Variants in CFAP20DC observed in about 807,000 individuals in gnomAD.
CFAP20DC encodes CFAP20 domain containing, also known as protein CFAP20DC.
A neutral mutation model predicts 101.7 loss-of-function variants in CFAP20DC; 84 were observed. That is an observed-to-expected ratio of 0.83 (90% CI 0.69 to 0.99). The LOEUF (loss-of-function observed/expected upper bound fraction) is 0.99. Among genes scored for constraint, CFAP20DC ranks in the 50% least tolerant of loss-of-function variants. The pLI, the probability that CFAP20DC is intolerant of heterozygous loss-of-function variation, is 0.00. For missense variants in CFAP20DC, 1,007 were observed against 970.3 expected (o/e 1.04, Z -0.50); for synonymous variants, 359 against 351.2 (o/e 1.02, Z -0.25).
chr3:58,951,213 T>C (rs1247439503), intron 4 of CFAP20DC, among the ~76,000 whole-genome samples: 1 of 152,188 alleles, frequency 6.6e-6, no homozygotes, highest in African/African-American at 2.4e-5. Context: ...TGAGATACCA[T>C]CTCACACCAG....
Position 58,913,728 on chromosome 3 carries a change from T to G in CFAP20DC, c.530A>C (p.Gln177Pro). 4 of 1,613,706 alleles carry G rather than the reference T, an allele frequency of 2.5e-6. No homozygotes were observed. The highest frequency in any genetic ancestry group is 3.4e-6 in the Non-Finnish European group (4 of 1,179,776). The change falls in exon 6 of 17, where the codon CAA (glutamine) becomes CCA (proline). Residue 177 changes from glutamine to proline, a missense_variant. Physicochemically the swap from Gln to Pro is moderately conservative, Grantham distance 76. Coordinates refer to ENST00000482387, the MANE Select transcript of CFAP20DC (RefSeq NM_001394063.1). The surrounding 1 kb of genome is among the most constrained non-coding windows in gnomAD (Gnocchi z 4.4). ...RKIFTLKSKPQDTADKDAVYG... is the reference protein window; with the variant it reads ...RKIFTLKSKPPDTADKDAVYG... ...CATACCATCCTTATCAGCAGTGTCT[T>G]GTGGCTTTGATTTTAAGGTGAAGAT...
At chr3:58,857,654 T>G (rs1158832763) in intron 12 of CFAP20DC, among the ~76,000 whole-genome samples, 2 of 152,158 alleles carry the variant, frequency 1.3e-5, no homozygotes, top group African/African-American at 4.8e-5. Context: ...AACTGCTAAT[T>G]CTGGTTTCAG....
chr3:58,761,036 G>C (rs1407648703), intron 15 of CFAP20DC, among the ~76,000 whole-genome samples: 1 of 152,190 alleles, frequency 6.6e-6, no homozygotes, highest in Non-Finnish European at 1.5e-5. Context: ...GTATCAGGAT[G>C]ATGCTGGCCT....
intron 14 of CFAP20DC, among the ~76,000 whole-genome samples, chr3:58,827,468 C>A (rs115936049): frequency 1.3e-5 from 2 of 151,844 alleles, no homozygotes; most frequent in Non-Finnish European, 2.9e-5. Context: ...TCAAGTGCTA[C>A]GCAAGCTGAC....
At chr3:58,764,787 G>C (rs927780510) in intron 15 of CFAP20DC, among the ~76,000 whole-genome samples, 3 of 152,036 alleles carry the variant, frequency 2.0e-5, no homozygotes, top group Non-Finnish European at 2.9e-5. Context: ...ATGCAGGAAG[G>C]AGCCTCCTCT....
intron 14 of CFAP20DC, among the ~76,000 whole-genome samples, chr3:58,819,688 T>C (rs1217135395): frequency 4.2e-5 from 6 of 143,760 alleles, no homozygotes; most frequent in Non-Finnish European, 6.0e-5. Context: ...ACCAGATGGA[T>C]TCACAGCCGA....
chr3:59,044,209 A>T (rs993377215), intron 3 of CFAP20DC, among the ~76,000 whole-genome samples: 1 of 152,192 alleles, frequency 6.6e-6, no homozygotes, highest in African/African-American at 2.4e-5. Flanking sequence ...TTAAAATAGG[A>T]ATACATAACG....
intron 4 of CFAP20DC, among the ~76,000 whole-genome samples, chr3:58,950,671 T>C (rs2089999262): frequency 4.6e-5 from 7 of 152,214 alleles, no homozygotes; most frequent in Admixed American, 4.6e-4. Flanking sequence ...AACGATTCCC[T>C]ATTTAACAAA....
rs769284769 is a variant in CFAP20DC at position 58,721,352 on chromosome 3, T to C, written c.198-3724A>G. Among the ~76,000 whole-genome samples, 3 of 152,140 alleles carry C rather than the reference T, an allele frequency of 2.0e-5. No individual in the cohort carries two copies. Among genetic ancestry groups the C allele is most frequent in the Non-Finnish European group, 4.4e-5 (3 of 68,024 alleles). On this transcript the variant is annotated intron_variant, in intron 3 of 3. Transcript: ENST00000486145. The surrounding 1 kb of genome is among the most constrained non-coding windows in gnomAD (Gnocchi z 5.2). ...ACCAAAATCAGAGTTAATGACCTCA[T>C]GGAGTTTATAGTCAGAATGAAGAGA...
chr3:58,731,759 AT>A (rs2067650097), intron 3 of CFAP20DC, among the ~76,000 whole-genome samples: 1 of 152,170 alleles, frequency 6.6e-6, no homozygotes. Flanking sequence ...AGAACAAAAT[AT>A]TTTTCAAGCT....
At chr3:58,820,145 A>G (rs1559645703) in intron 14 of CFAP20DC, among the ~76,000 whole-genome samples, 1 of 152,054 alleles carries the variant, frequency 6.6e-6, no homozygotes, top group African/African-American at 2.4e-5. Flanking sequence ...ACATATTTCA[A>G]AATAATAAGA....
intron 6 of CFAP20DC, among the ~76,000 whole-genome samples, chr3:58,895,558 G>T (rs980747554): frequency 1.1e-4 from 16 of 152,162 alleles, no homozygotes; most frequent in Non-Finnish European, 2.1e-4. Context: ...TTTGTTTAAA[G>T]CCATTCAACA....
intron 5 of CFAP20DC, among the ~76,000 whole-genome samples, chr3:58,931,760 A>G (rs994149294): frequency 4.6e-5 from 7 of 152,220 alleles, no homozygotes; most frequent in Non-Finnish European, 1.0e-4. Flanking sequence ...CATCGACACC[A>G]AAAACCCATC....
intron 4 of CFAP20DC, among the ~76,000 whole-genome samples, chr3:59,030,379 G>A (rs1046088507): frequency 1.3e-5 from 2 of 152,146 alleles, no homozygotes; most frequent in African/African-American, 4.8e-5. Flanking sequence ...TCCTAAAACA[G>A]CACTATATTT....
At chr3:58,961,554 AAAAAACAAAAAC>A (rs1251565736) in intron 4 of CFAP20DC, among the ~76,000 whole-genome samples, 7 of 135,490 alleles carry the variant, frequency 5.2e-5, no homozygotes, top group African/African-American at 1.8e-4. Context: ...GACTGTCTCA[AAAAAACAAAAAC>A]AAAAACAAAA....
intron 4 of CFAP20DC, among the ~76,000 whole-genome samples, chr3:59,033,405 C>G (rs1314751047): frequency 6.6e-6 from 1 of 152,014 alleles, no homozygotes; most frequent in East Asian, 1.9e-4. Context: ...CTCCTCCAAG[C>G]TAAAGGAGCA....
rs2108452915 is a variant in CFAP20DC, at chr3:58,861,646, C to T, written c.1593+1912G>A. The T allele has an allele frequency of 1.0e-6, 1 of 985,378 alleles. No individual in the cohort carries two copies. Among genetic ancestry groups the T allele is most frequent in the East Asian group, 1.1e-4 (1 of 8,814 alleles). The allele number at this position is 985,378 out of a possible 1,614,324, so 61.0% of individuals were successfully genotyped here. On this transcript the variant is annotated intron_variant, in intron 12 of 16. Coordinates refer to ENST00000482387, the MANE Select transcript of CFAP20DC (RefSeq NM_001394063.1). The surrounding 1 kb of genome is among the most constrained non-coding windows in gnomAD (Gnocchi z 4.0). ...CCTATTTTTGTATCTTAGCTTGTAT[C>T]TCGTTAGTCTCTGTACCAGCAAACC...
Position 58,913,402 on chromosome 3 carries a change from C to T in CFAP20DC, c.550+306G>A, listed in dbSNP as rs981828995. Among the ~76,000 whole-genome samples the T allele has an allele frequency of 2.0e-5, 3 of 152,012 alleles. No homozygotes were observed. Among genetic ancestry groups the T allele is most frequent in the African/African-American group, 7.2e-5 (3 of 41,384 alleles). ...TGATTTCCTTAAATAAATTCCTGTT[C>T]TTTTTCAACCACCTAAAGAGGATTA... On this transcript the variant is annotated intron_variant, in intron 6 of 16. Transcript: ENST00000482387. This position sits in a 1 kb window ranked among gnomAD's most constrained non-coding sequence, Gnocchi z 4.4.
intron 13 of CFAP20DC, among the ~76,000 whole-genome samples, chr3:58,833,251 A>G (rs1486676341): frequency 6.6e-6 from 1 of 152,308 alleles, no homozygotes; most frequent in African/African-American, 2.4e-5. Flanking sequence ...TTAAATCCTT[A>G]TAGTTCATGG....
Sources: allele counts gnomAD v4.1 joint callset (sites outside exome capture counted in the v4.1 genomes callset), GRCh38; gene constraint gnomAD v4.1.1; non-coding constraint Gnocchi (gnomAD v3.1); transcripts MANE v1.5; gene names NCBI Gene and HGNC (gene_info 2026-07-23, HGNC 2026-07-21).